BCL2L13: variants seen among roughly 807,000 people sequenced by gnomAD.
BCL2L13 encodes BCL2 like 13.
BCL2L13 carries 13 observed loss-of-function variants against 25.8 expected under a neutral mutation model. The observed-to-expected ratio is 0.50, with a 90% confidence interval of 0.33 to 0.80. BCL2L13 has a LOEUF of 0.80. Among genes scored for constraint, BCL2L13 ranks in the 30% least tolerant of loss-of-function variants. BCL2L13 has a pLI of 0.02. For synonymous variants in BCL2L13, 244 were observed against 230.3 expected, an observed-to-expected ratio of 1.06 and a Z score of -0.54; for missense variants, 504 against 574.9, an observed-to-expected ratio of 0.88 and a Z score of 1.26.
intron 6 of BCL2L13, among the ~76,000 whole-genome samples, chr22:17,706,463 C>G (rs1362421957): frequency 1.3e-5 from 2 of 151,964 alleles, no homozygotes; most frequent in East Asian, 3.9e-4. Flanking sequence ...ATTCATTTAA[C>G]TTCTCTGAAC....
intron 2 of BCL2L13, among the ~76,000 whole-genome samples, chr22:17,666,493 C>T (rs1195033994): frequency 1.3e-5 from 2 of 151,864 alleles, no homozygotes; most frequent in Non-Finnish European, 2.9e-5. Context: ...GTCCCCAGAC[C>T]CCCATTACCC....
At chr22:17,700,307 G>A (rs945859647) in intron 5 of BCL2L13, among the ~76,000 whole-genome samples, 1 of 152,160 alleles carries the variant, frequency 6.6e-6, no homozygotes, top group Admixed American at 6.5e-5. Context: ...TTCCAGGAGT[G>A]AAAGAGAATT....
intron 2 of BCL2L13, among the ~76,000 whole-genome samples, chr22:17,658,619 A>C (rs1282690080): frequency 1.3e-5 from 2 of 148,778 alleles, no homozygotes; most frequent in African/African-American, 4.9e-5. Flanking sequence ...GCTTGAACCC[A>C]GGAGGCGGAG....
chr22:17,717,147 TCTG>T (rs2060968477), intron 6 of BCL2L13, among the ~76,000 whole-genome samples: 1 of 152,124 alleles, frequency 6.6e-6, no homozygotes, highest in Non-Finnish European at 1.5e-5. Context: ...TCATCTTTGA[TCTG>T]CTGGTTTTCT....
chr22:17,658,758 GT>G (rs1282099251), intron 2 of BCL2L13, among the ~76,000 whole-genome samples: 3 of 149,122 alleles, frequency 2.0e-5, no homozygotes, highest in Non-Finnish European at 4.5e-5. Context: ...TATAATGCTT[GT>G]ATAAAAAACA....
intron 5 of BCL2L13, among the ~76,000 whole-genome samples, chr22:17,697,002 T>C (rs770291279): frequency 1.3e-5 from 2 of 152,144 alleles, no homozygotes; most frequent in Non-Finnish European, 2.9e-5. Flanking sequence ...CACCTACCTC[T>C]ATTTGGAATT....
At position 17,687,217 on chromosome 22, in the gene BCL2L13, C is replaced by T. The variant is rs571906498; in HGVS notation, c.230-1769C>T. Among the ~76,000 whole-genome samples the T allele has an allele frequency of 5.9e-5, 9 of 152,216 alleles. No homozygotes were observed. The East Asian group carries it at 7.7e-4, about 13-fold the overall frequency. On this transcript the variant is annotated intron_variant, in intron 3 of 6. Transcript: ENST00000317582. ...TTTCCTGGTAGCTGATGCCTTGCAT[C>T]GCATTTGTACTCTGGAACAAGTTAC...
chr22:17,726,929 G>T lies in BCL2L13; in HGVS notation c.853G>T (p.Glu285Ter). The change falls in exon 7 of 7, where the codon GAA (glutamate) becomes TAA (stop). Residue 285 changes from glutamate to a stop codon, truncating the protein, a stop_gained. Transcript: ENST00000317582. LOFTEE classifies it low-confidence loss of function (END_TRUNC). ...SWQQIAMDPEEVKSLDSNGAG... is the reference protein window; with the variant it reads ...SWQQIAMDPE ...GCAGCAGATTGCAATGGATCCTGAA[G>T]AAGTGAAAAGCTTAGACAGCAACGG... is the stretch of plus-strand genomic sequence containing the variant. The T allele has an allele frequency of 2.5e-6, 4 of 1,614,226 alleles. No individual in the cohort carries two copies. Among genetic ancestry groups the T allele is most frequent in the Non-Finnish European group, 3.4e-6 (4 of 1,180,048 alleles).
intron 1 of BCL2L13, 111 bp from the exon 2 acceptor site, chr22:17,655,551 A>G (rs1336627538): frequency 1.3e-6 from 1 of 779,510 alleles, no homozygotes; most frequent in Non-Finnish European, 1.8e-6. Flanking sequence ...CCTGAGCGAC[A>G]AGAGCAAGAC....
chr22:17,714,186 G>C (rs1241865551), intron 6 of BCL2L13, among the ~76,000 whole-genome samples: 1 of 152,042 alleles, frequency 6.6e-6, no homozygotes, highest in African/African-American at 2.4e-5. Context: ...CCAGCTACTC[G>C]GGAGGCTGAG....
intron 6 of BCL2L13, among the ~76,000 whole-genome samples, chr22:17,704,028 T>C (rs534939027): frequency 8.5e-5 from 13 of 152,236 alleles, no homozygotes; most frequent in Non-Finnish European, 1.8e-4. Context: ...AGTAAGTATA[T>C]TACTCAACTC....
intron 2 of BCL2L13, among the ~76,000 whole-genome samples, 167 bp from the exon 3 acceptor site, chr22:17,683,047 C>T (rs961985615): frequency 2.6e-5 from 4 of 151,784 alleles, no homozygotes; most frequent in East Asian, 1.9e-4. Flanking sequence ...GCAGGAGAAT[C>T]GCTTGAACCT....
chr22:17,636,035 CA>C (rs2058100061), upstream of BCL2L13, among the ~76,000 whole-genome samples: 1 of 151,774 alleles, frequency 6.6e-6, no homozygotes, highest in Non-Finnish European at 1.5e-5. Context: ...AAAAAGTAGC[CA>C]TGTGTGGCCT....
At chr22:17,712,243 A>G (rs1312055608) in intron 6 of BCL2L13, among the ~76,000 whole-genome samples, 1 of 152,200 alleles carries the variant, frequency 6.6e-6, no homozygotes, top group African/African-American at 2.4e-5. Context: ...TTCATTTAAC[A>G]AAAAGACTTA....
At chr22:17,696,118 G>A (rs2060257041) in intron 4 of BCL2L13, 23 bp from the exon 5 acceptor site, 1 of 1,597,382 alleles carries the variant, frequency 6.3e-7, no homozygotes, top group Admixed American at 1.7e-5. Flanking sequence ...TTGTGACACA[G>A]ACTTTTAAAA....
chr22:17,667,642 G>A (rs911017799), intron 2 of BCL2L13, among the ~76,000 whole-genome samples: 2 of 151,940 alleles, frequency 1.3e-5, no homozygotes, highest in East Asian at 1.9e-4. Context: ...CTGAGTAGCC[G>A]GGATTATGGG....
chr22:17,662,965 G>A (rs1167189659), intron 2 of BCL2L13, among the ~76,000 whole-genome samples: 1 of 151,952 alleles, frequency 6.6e-6, no homozygotes, highest in Non-Finnish European at 1.5e-5. Context: ...TCTACCTGTT[G>A]GGCTCAAGCA....
intron 6 of BCL2L13, among the ~76,000 whole-genome samples, chr22:17,707,023 T>A (rs1352086579): frequency 6.6e-6 from 1 of 152,210 alleles, no homozygotes; most frequent in Non-Finnish European, 1.5e-5. Flanking sequence ...TTTGTTTGTT[T>A]AATCTAGGAT....
chr22:17,642,408 C>T (rs2058325466), intron 1 of BCL2L13, among the ~76,000 whole-genome samples: 1 of 151,440 alleles, frequency 6.6e-6, no homozygotes, highest in Non-Finnish European at 1.5e-5. Flanking sequence ...ATCCACCTAC[C>T]TTGGCCTCCC....
Sources: allele counts gnomAD v4.1 joint callset (sites outside exome capture counted in the v4.1 genomes callset), GRCh38; gene constraint gnomAD v4.1.1; transcripts MANE v1.5; gene names NCBI Gene and HGNC (gene_info 2026-07-23, HGNC 2026-07-21).